ATOSB: variants seen among roughly 807,000 people sequenced by gnomAD.
The protein encoded by ATOSB is atos homolog B, also known as atos homolog protein B.
At chr9:35,105,284 G>A in the ATOSB span, 5 of 1,614,160 alleles carry the variant, frequency 3.1e-6, no homozygotes, top group African/African-American at 2.7e-5. This position sits in a 1 kb window ranked among gnomAD's most constrained non-coding sequence, Gnocchi z 5.5. Flanking sequence ...GTTCGTAGGG[G>A]AGCCCTGTGT....
the ATOSB span, chr9:35,109,982 T>G: frequency 5.3e-5 from 8 of 152,004 alleles, no homozygotes; most frequent in Non-Finnish European, 7.3e-5. Flanking sequence ...AGAGAAAAAT[T>G]TCCCAGATGA....
At chr9:35,107,565 G>C in the ATOSB span, 5 of 1,591,374 alleles carry the variant, frequency 3.1e-6, no homozygotes, top group Non-Finnish European at 4.3e-6. Flanking sequence ...GGTGGGGCAG[G>C]GGCCTGGGGG....
chr9:35,114,023 T>C, the ATOSB span, among the ~76,000 whole-genome samples: 7 of 152,194 alleles, frequency 4.6e-5, no homozygotes, highest in Non-Finnish European at 8.8e-5. Flanking sequence ...GGTGTTTGTA[T>C]AAACAATGAC....
chr9:35,114,460 T>C, the ATOSB span, among the ~76,000 whole-genome samples: 3 of 150,778 alleles, frequency 2.0e-5, no homozygotes, highest in Non-Finnish European at 4.4e-5. Context: ...AGCAACACTG[T>C]CACACTCATT....
the ATOSB span, chr9:35,105,461 G>T: frequency 6.8e-7 from 1 of 1,479,064 alleles, no homozygotes; most frequent in Non-Finnish European, 9.2e-7. The surrounding 1 kb of genome is among the most constrained non-coding windows in gnomAD (Gnocchi z 5.5). Context: ...GGAGACCCAG[G>T]TGGGAGGACT....
the ATOSB span, chr9:35,106,569 GC>G: frequency 6.4e-7 from 1 of 1,573,228 alleles, no homozygotes; most frequent in Admixed American, 1.9e-5. This position sits in a 1 kb window ranked among gnomAD's most constrained non-coding sequence, Gnocchi z 4.6. Flanking sequence ...ACGGCTGACA[GC>G]AGGGGTAGGA....
the ATOSB span, chr9:35,105,777 C>A: frequency 6.2e-7 from 1 of 1,614,074 alleles, no homozygotes; most frequent in Non-Finnish European, 8.5e-7. This position sits in a 1 kb window ranked among gnomAD's most constrained non-coding sequence, Gnocchi z 5.5. Context: ...GCAGGAAGGT[C>A]ATGTGGGCAG....
chr9:35,114,000 A>T, the ATOSB span, among the ~76,000 whole-genome samples: 2 of 152,032 alleles, frequency 1.3e-5, no homozygotes, highest in Non-Finnish European at 2.9e-5. Flanking sequence ...AAATTTCCAA[A>T]CCTGTAAAAT....
the ATOSB span, chr9:35,108,224 G>T: frequency 6.3e-7 from 1 of 1,582,848 alleles, no homozygotes; most frequent in Admixed American, 1.8e-5. Flanking sequence ...GCTGTGAAGG[G>T]CCAGCCTCCG....
chr9:35,104,165 T>C, the ATOSB span: 836 of 152,744 alleles, frequency 5.5e-3, 7 homozygotes, highest in South Asian at 0.017. Context: ...TTTAATCTTT[T>C]TTTCTAAAAA....
At chr9:35,105,149 C>T in the ATOSB span, 1 of 1,496,358 alleles carries the variant, frequency 6.7e-7, no homozygotes, top group South Asian at 1.3e-5. This position sits in a 1 kb window ranked among gnomAD's most constrained non-coding sequence, Gnocchi z 5.5. Context: ...CTTGCTGTCT[C>T]TCCATATATG....
the ATOSB span, among the ~76,000 whole-genome samples, chr9:35,113,666 AAATAAAT>A: frequency 5.5e-5 from 8 of 145,164 alleles, no homozygotes; most frequent in East Asian, 1.6e-3. Context: ...ATAAATAAAT[AAATAAAT>A]AAAGAGGCCT....
At chr9:35,108,086 A>G in the ATOSB span, 111 of 1,541,730 alleles carry the variant, frequency 7.2e-5, no homozygotes, top group East Asian at 2.0e-4. Context: ...TCAGGGCCCT[A>G]TGAGGCTCAG....
chr9:35,105,135 G>T, the ATOSB span: 1 of 1,402,484 alleles, frequency 7.1e-7, no homozygotes, highest in Non-Finnish European at 9.6e-7. This position sits in a 1 kb window ranked among gnomAD's most constrained non-coding sequence, Gnocchi z 5.5. Flanking sequence ...AGCCTGAAGG[G>T]TCTCTTGCTG....
the ATOSB span, among the ~76,000 whole-genome samples, chr9:35,114,433 G>C: frequency 6.6e-6 from 1 of 151,764 alleles, no homozygotes; most frequent in East Asian, 1.9e-4. Context: ...TGAGGAGGCT[G>C]GCTTGGGGCC....
the ATOSB span, chr9:35,106,215 T>C: frequency 6.2e-7 from 1 of 1,611,918 alleles, no homozygotes; most frequent in Non-Finnish European, 8.5e-7. The surrounding 1 kb of genome is among the most constrained non-coding windows in gnomAD (Gnocchi z 4.6). Context: ...CCTCATCCTC[T>C]TGATGAGCTG....
At chr9:35,104,732 A>G in the ATOSB span, 1 of 263,500 alleles carries the variant, frequency 3.8e-6, no homozygotes, top group South Asian at 3.2e-5. Flanking sequence ...GAGGGAAAGC[A>G]GTTCTCCTCC....
the ATOSB span, chr9:35,108,296 G>A: frequency 6.6e-7 from 1 of 1,524,246 alleles, no homozygotes; most frequent in Non-Finnish European, 8.8e-7. Context: ...TGGGTCAGGG[G>A]GGCCCCCCAA....
chr9:35,114,955 G>A, the ATOSB span, among the ~76,000 whole-genome samples: 3 of 151,982 alleles, frequency 2.0e-5, no homozygotes, highest in African/African-American at 7.3e-5. Flanking sequence ...TACCGGGCAG[G>A]GCACAGCTCC....
Sources: allele counts gnomAD v4.1 joint callset (sites outside exome capture counted in the v4.1 genomes callset), GRCh38; gene constraint gnomAD v4.1.1; non-coding constraint Gnocchi (gnomAD v3.1); transcripts MANE v1.5; gene names NCBI Gene and HGNC (gene_info 2026-07-23, HGNC 2026-07-21).